The following PPARG variants were observed in gnomAD, a reference collection of about 807,000 sequenced individuals.
The protein encoded by PPARG is peroxisome proliferator activated receptor gamma.
Under a neutral mutation model 39.2 loss-of-function variants are expected in PPARG, and 17 were observed. That is an observed-to-expected ratio of 0.43 (90% confidence interval 0.30 to 0.65). The LOEUF is 0.65. Ranked by LOEUF, PPARG falls within the 30% of genes least tolerant of loss-of-function variation. The probability of loss-of-function intolerance (pLI) is 0.13; values close to 1 mark genes in which losing one functional copy is unlikely to be tolerated. For missense variants in PPARG, 406 were observed against 585.9 expected (o/e 0.69, Z 3.17); for synonymous variants, 223 against 215.7 (o/e 1.03, Z -0.30).
intron 6 of PPARG, among the ~76,000 whole-genome samples, chr3:12,407,456 C>T (rs546746280): frequency 9.9e-5 from 15 of 152,236 alleles, no homozygotes; most frequent in African/African-American, 3.1e-4. Context: ...CCACCGCGCC[C>T]GGCTTTGTAG....
intron 4 of PPARG, among the ~76,000 whole-genome samples, chr3:12,387,277 T>A (rs1000213685): frequency 6.6e-6 from 1 of 152,186 alleles, no homozygotes; most frequent in African/African-American, 2.4e-5. Context: ...TAGTTCTAGA[T>A]CCTTGAGGAA....
chr3:12,399,455 T>C (rs936971689), intron 5 of PPARG: 1 of 453,232 alleles, frequency 2.2e-6, no homozygotes, highest in African/African-American at 2.0e-5. Context: ...AGCGTGGTGG[T>C]GCATGCCTGT....
chr3:12,424,624 A>G (rs759316800), intron 7 of PPARG, among the ~76,000 whole-genome samples: 3 of 152,190 alleles, frequency 2.0e-5, no homozygotes, highest in Non-Finnish European at 2.9e-5. Flanking sequence ...AGTGAGGAAG[A>G]ATGAAAACCC....
chr3:12,421,085 C>G (rs1203448144), intron 7 of PPARG, among the ~76,000 whole-genome samples: 2 of 152,176 alleles, frequency 1.3e-5, no homozygotes, highest in Non-Finnish European at 2.9e-5. Flanking sequence ...AAGTGAGGGT[C>G]GTAAACTTAA....
intron 2 of PPARG, among the ~76,000 whole-genome samples, chr3:12,327,408 C>T (rs923116654): frequency 2.0e-5 from 3 of 152,124 alleles, no homozygotes; most frequent in Admixed American, 1.3e-4. Flanking sequence ...GTAAGAAGTC[C>T]AGTAAAGAGA....
At chr3:12,406,742 G>A (rs1258379206) in intron 6 of PPARG, 1 of 152,806 alleles carries the variant, frequency 6.5e-6, no homozygotes, top group Non-Finnish European at 1.5e-5. Flanking sequence ...GTTTCACCTT[G>A]TTGATCAGGC....
At chr3:12,345,717 C>T (rs548442256) in intron 2 of PPARG, among the ~76,000 whole-genome samples, 1 of 152,164 alleles carries the variant, frequency 6.6e-6, no homozygotes, top group Non-Finnish European at 1.5e-5. Context: ...TTCAACAGTA[C>T]GTAAATTTCC....
At chr3:12,405,850 T>C in intron 5 of PPARG, 32 bp from the exon 6 acceptor site, 1 of 1,596,812 alleles carries the variant, frequency 6.3e-7, no homozygotes. Context: ...AGTAATCCAA[T>C]GATTCATCCT....
chr3:12,379,620 CT>C, intron 2 of PPARG, 83 bp from the exon 3 acceptor site: 1 of 1,317,654 alleles, frequency 7.6e-7, no homozygotes, highest in East Asian at 2.3e-5. Flanking sequence ...GCCAAAGACT[CT>C]TTTCATTTCT....
At chr3:12,394,598 T>C (rs971315426) in intron 5 of PPARG, among the ~76,000 whole-genome samples, 2 of 152,184 alleles carry the variant, frequency 1.3e-5, no homozygotes, top group Admixed American at 1.3e-4. Context: ...AGAAAATATA[T>C]GAATTAAGTG....
chr3:12,374,889 AC>A (rs2049352232), intron 2 of PPARG, among the ~76,000 whole-genome samples: 12 of 152,174 alleles, frequency 7.9e-5, no homozygotes, highest in Admixed American at 7.9e-4. Context: ...GCAAAACAAA[AC>A]GAAAACAGAA....
intron 6 of PPARG, among the ~76,000 whole-genome samples, chr3:12,414,271 G>T (rs1419293623): frequency 6.6e-6 from 1 of 152,182 alleles, no homozygotes; most frequent in African/African-American, 2.4e-5. Context: ...TGCATGTGCA[G>T]TTGGTCTTTT....
chr3:12,406,532 CTT>C (rs10540594), intron 6 of PPARG: 322 of 60,432 alleles, frequency 5.3e-3, no homozygotes, highest in South Asian at 0.012. Context: ...AGAGTTACCT[CTT>C]TTTTTTTTTT....
intron 2 of PPARG, among the ~76,000 whole-genome samples, chr3:12,352,250 C>G (rs2048512022): frequency 6.6e-6 from 1 of 152,164 alleles, no homozygotes; most frequent in Admixed American, 6.6e-5. Flanking sequence ...AGCATAGTGC[C>G]TAATGCATTG....
chr3:12,308,337 C>T (rs2047130719), intron 1 of PPARG, among the ~76,000 whole-genome samples: 1 of 121,876 alleles, frequency 8.2e-6, no homozygotes, highest in Admixed American at 9.2e-5. Flanking sequence ...GAGCAAGACC[C>T]TGTCTCAAAA....
chr3:12,333,416 T>C (rs1212942676), intron 2 of PPARG, among the ~76,000 whole-genome samples: 1 of 152,220 alleles, frequency 6.6e-6, no homozygotes, highest in East Asian at 1.9e-4. Flanking sequence ...ATTCTTTCTC[T>C]TTCCATCTCT....
chr3:12,301,975 A>G (rs1171966155), intron 1 of PPARG: 2 of 152,270 alleles, frequency 1.3e-5, no homozygotes, highest in Admixed American at 1.3e-4. Flanking sequence ...GGGAGATACC[A>G]GAGCTTCTGT....
chr3:12,379,988 C>T (rs1475080424), intron 3 of PPARG, 57 bp downstream of exon 3: 10 of 1,389,462 alleles, frequency 7.2e-6, no homozygotes, highest in Non-Finnish European at 1.0e-5. Context: ...ACTCATCTCT[C>T]AGTAACCCTG....
intron 2 of PPARG, among the ~76,000 whole-genome samples, chr3:12,327,057 A>G (rs2047715703): frequency 6.6e-6 from 1 of 152,202 alleles, no homozygotes; most frequent in Admixed American, 6.5e-5. Flanking sequence ...TTTTAAAAGA[A>G]TGACTAATTT....
Sources: allele counts gnomAD v4.1 joint callset (sites outside exome capture counted in the v4.1 genomes callset), GRCh38; gene constraint gnomAD v4.1.1; transcripts MANE v1.5; gene names NCBI Gene and HGNC (gene_info 2026-07-23, HGNC 2026-07-21).